Variants in PPP2R2B observed in about 807,000 individuals in gnomAD.
PPP2R2B encodes serine/threonine-protein phosphatase 2A 55 kDa regulatory subunit B beta isoform.
PPP2R2B carries 5 observed loss-of-function variants against 46.0 expected under a neutral mutation model. That is an observed-to-expected ratio of 0.11 (90% CI 0.06 to 0.23). The LOEUF is 0.23. PPP2R2B is among the 10% of genes least tolerant of loss of function. The pLI, the probability that PPP2R2B is intolerant of heterozygous loss-of-function variation, is 1.00. For synonymous variants in PPP2R2B, 215 were observed against 206.7 expected (o/e 1.04, Z -0.34); for missense variants, 367 against 575.0 (o/e 0.64, Z 3.70).
intron 5 of PPP2R2B, among the ~76,000 whole-genome samples, chr5:146,674,836 A>C (rs1320167941): frequency 6.6e-6 from 1 of 152,170 alleles, no homozygotes; most frequent in Admixed American, 6.6e-5. Flanking sequence ...AGCCCAGAAG[A>C]AGCACAAGAC....
chr5:146,949,523 C>A (rs1764587963), intron 1 of PPP2R2B, among the ~76,000 whole-genome samples: 1 of 151,950 alleles, frequency 6.6e-6, no homozygotes, highest in Admixed American at 6.6e-5. Flanking sequence ...TAACAAATGC[C>A]ACTGAGGAAG....
intron 5 of PPP2R2B, among the ~76,000 whole-genome samples, chr5:146,672,042 A>G (rs1326434260): frequency 6.6e-6 from 1 of 152,236 alleles, no homozygotes; most frequent in Non-Finnish European, 1.5e-5. Flanking sequence ...GGAGAATATA[A>G]GTGGTGAAGA....
chr5:147,049,488 T>A (rs780095019), intron 1 of PPP2R2B, among the ~76,000 whole-genome samples: 1 of 151,908 alleles, frequency 6.6e-6, no homozygotes, highest in African/African-American at 2.4e-5. Flanking sequence ...AGGTGAGAGA[T>A]TGGAGTTGGA....
At chr5:146,741,970 G>T (rs1752901365) in intron 2 of PPP2R2B, among the ~76,000 whole-genome samples, 1 of 152,152 alleles carries the variant, frequency 6.6e-6, no homozygotes, top group East Asian at 1.9e-4. Context: ...AGACTCGTCT[G>T]GGTCTTGGGA....
At chr5:146,833,503 G>T (rs1026677547) in intron 2 of PPP2R2B, among the ~76,000 whole-genome samples, 1 of 152,108 alleles carries the variant, frequency 6.6e-6, no homozygotes, top group Admixed American at 6.5e-5. Flanking sequence ...TGAAAACATG[G>T]CATTTTTCAC....
intron 1 of PPP2R2B, among the ~76,000 whole-genome samples, chr5:147,041,940 C>T (rs1756329159): frequency 6.6e-6 from 1 of 152,060 alleles, no homozygotes; most frequent in Admixed American, 6.5e-5. Context: ...GAGAGCCAGA[C>T]AGACTCCATC....
Position 146,745,160 on chromosome 5 carries a change from C to CAGAGAGAGAGAGAGAG in PPP2R2B, c.71-44034_71-44019dup, listed in dbSNP as rs747573157. 7.6e-4 allele frequency among the ~76,000 whole-genome samples: 72 copies of CAGAGAGAGAGAGAGAG among 95,014 alleles called. 3 individuals are homozygous for CAGAGAGAGAGAGAGAG. The highest frequency in any genetic ancestry group is 4.2e-3 in the East Asian group (12 of 2,844). 62.3% of individuals were successfully genotyped at this position (95,014 alleles called of 152,430 possible). On this transcript the variant is annotated intron_variant, in intron 2 of 9. Coordinates refer to ENST00000394411, the MANE Select transcript of PPP2R2B (RefSeq NM_181675.4). ...CAACTCTAAAACGTGCAGAGAAAGACAGAGAGAGAGAGAGAGAGAGAGAGA... is the reference window on the plus strand; with the variant it reads ...CAACTCTAAAACGTGCAGAGAAAGACAGAGAGAGAGAGAGAGAGAGAGAGAGAGAGAGAGAGAGAGA...
At chr5:147,009,785 T>C (rs1345094874) in intron 1 of PPP2R2B, among the ~76,000 whole-genome samples, 3 of 152,060 alleles carry the variant, frequency 2.0e-5, no homozygotes, top group Admixed American at 6.6e-5. Flanking sequence ...CTATCCCAAG[T>C]GTAAAATTAT....
At chr5:146,936,685 C>T (rs1764154192) in intron 1 of PPP2R2B, among the ~76,000 whole-genome samples, 1 of 151,952 alleles carries the variant, frequency 6.6e-6, no homozygotes, top group Non-Finnish European at 1.5e-5. Context: ...AGAAGCCTGT[C>T]ATTTCATTTC....
chr5:147,081,337 A>G (rs1757962276), exon 1 of PPP2R2B: 17 of 1,518,652 alleles, frequency 1.1e-5, no homozygotes, highest in Admixed American at 3.9e-5. Context: ...CCTGCTGTGA[A>G]TCACTGCTCT....
intron 2 of PPP2R2B, among the ~76,000 whole-genome samples, chr5:146,832,377 ATCTTTTTTT>A (rs1471872256): frequency 2.3e-4 from 24 of 104,298 alleles, no homozygotes; most frequent in Non-Finnish European, 4.7e-4. Flanking sequence ...GCCATTTTTA[ATCTTTTTTT>A]TTTTTTTTTT....
At chr5:147,022,939 T>A (rs566633022) in intron 1 of PPP2R2B, among the ~76,000 whole-genome samples, 1 of 152,258 alleles carries the variant, frequency 6.6e-6, no homozygotes, top group East Asian at 1.9e-4. Flanking sequence ...TTCATTGTCA[T>A]GCATAAGATT....
At chr5:146,653,744 G>A (rs1776139910) in intron 5 of PPP2R2B, among the ~76,000 whole-genome samples, 1 of 152,174 alleles carries the variant, frequency 6.6e-6, no homozygotes, top group South Asian at 2.1e-4. Context: ...GGGCCTGCCT[G>A]CTAATTTAGG....
At chr5:146,840,339 G>A (rs949207685) in intron 2 of PPP2R2B, among the ~76,000 whole-genome samples, 2 of 151,656 alleles carry the variant, frequency 1.3e-5, no homozygotes, top group African/African-American at 2.4e-5. Flanking sequence ...TTTTTACATC[G>A]AAAAGAAAAT....
chr5:146,852,355 C>T (rs1760398579), intron 2 of PPP2R2B, among the ~76,000 whole-genome samples: 1 of 152,096 alleles, frequency 6.6e-6, no homozygotes, highest in Admixed American at 6.6e-5. Context: ...TTGTTTTTAA[C>T]CTAACAAATC....
chr5:146,697,006 A>T lies in PPP2R2B; in HGVS notation c.334+973T>A, dbSNP rs117407890. Among the ~76,000 whole-genome samples, 181 of 152,348 alleles carry T rather than the reference A, an allele frequency of 1.2e-3. 1 individual carries two copies. The highest frequency in any genetic ancestry group is 0.011 in the East Asian group (57 of 5,186). Reference sequence around the variant, plus strand: ...GTATTTCCTTCCAGTCTTTAAAAATATTCATGTATGTTTGATCACATTATT... The same window carrying T: ...GTATTTCCTTCCAGTCTTTAAAAATTTTCATGTATGTTTGATCACATTATT... On this transcript the variant is annotated intron_variant, in intron 4 of 9. Transcript: ENST00000394411.
intron 1 of PPP2R2B, among the ~76,000 whole-genome samples, chr5:146,886,034 A>C (rs576598870): frequency 6.6e-6 from 1 of 152,040 alleles, no homozygotes; most frequent in Admixed American, 6.6e-5. Context: ...GGTGTTGAAA[A>C]TGTTCTAAAA....
chr5:147,069,213 C>A (rs1757501969), intron 2 of PPP2R2B, among the ~76,000 whole-genome samples: 1 of 152,102 alleles, frequency 6.6e-6, no homozygotes, highest in Admixed American at 6.5e-5. Flanking sequence ...GAACTTCAGA[C>A]CACAGACAGC....
At position 146,650,618 on chromosome 5, in the gene PPP2R2B, T is replaced by C. The variant is rs762905414; in HGVS notation, c.554A>G (p.Tyr185Cys). 4.1e-5 allele frequency: 66 copies of C among 1,613,974 alleles called. No homozygotes were observed. The highest frequency in any genetic ancestry group is 4.6e-5 in the Non-Finnish European group (54 of 1,179,996). ...HINSISVNSDYETYMSADDLR... is the reference protein window; with the variant it reads ...HINSISVNSDCETYMSADDLR... ...GTCATCAGCGGACATGTAGGTTTCA[T>C]AGTCGCTGTTGACAGATATGGAGTT... is the stretch of plus-strand genomic sequence containing the variant. The change falls in exon 6 of 10, where the codon TAT (tyrosine) becomes TGT (cysteine). Residue 185 changes from tyrosine (Y) to cysteine (C), a missense_variant. This residue lies in a region of PPP2R2B where 361 missense variants were observed against 545.5 expected (regional missense o/e 0.66). Coordinates refer to ENST00000394411, the MANE Select transcript of PPP2R2B (RefSeq NM_181675.4).
Sources: allele counts gnomAD v4.1 joint callset (sites outside exome capture counted in the v4.1 genomes callset), GRCh38; gene constraint gnomAD v4.1.1; regional missense constraint gnomAD v4.1.1; transcripts MANE v1.5; gene names NCBI Gene and HGNC (gene_info 2026-07-23, HGNC 2026-07-21).